The following CSMD3 variants were observed in gnomAD, a reference collection of about 807,000 sequenced individuals.
The protein encoded by CSMD3 is CUB and Sushi multiple domains 3, also known as CUB and sushi domain-containing protein 3.
A neutral mutation model predicts 435.2 loss-of-function variants in CSMD3; 177 were observed. The observed-to-expected ratio is 0.41, with a 90% CI of 0.36 to 0.46. CSMD3 has a LOEUF of 0.46. CSMD3 is among the 20% of genes least tolerant of loss of function. The probability of loss-of-function intolerance (pLI) is 0.34; values close to 1 mark genes in which losing one functional copy is unlikely to be tolerated. For synonymous variants in CSMD3, 1,656 were observed against 1,520.5 expected (o/e 1.09, Z -2.07); for missense variants, 4,265 against 4,504.6 (o/e 0.95, Z 1.52).
intron 36 of CSMD3, among the ~76,000 whole-genome samples, chr8:112,384,406 T>A (rs1414682458): frequency 1.3e-5 from 2 of 152,206 alleles, no homozygotes; most frequent in African/African-American, 4.8e-5. Flanking sequence ...TAGAGAAAGA[T>A]GCATGTGTTA....
intron 14 of CSMD3, among the ~76,000 whole-genome samples, chr8:112,689,107 TAAGA>T (rs2076076020): frequency 6.6e-6 from 1 of 152,046 alleles, no homozygotes; most frequent in Admixed American, 6.6e-5. Flanking sequence ...TGGTTAAAGA[TAAGA>T]ACTAAAACAA....
At chr8:112,283,056 G>C (rs1818818351) in intron 58 of CSMD3, among the ~76,000 whole-genome samples, 1 of 151,932 alleles carries the variant, frequency 6.6e-6, no homozygotes, top group African/African-American at 2.4e-5. Flanking sequence ...TTCTGAGTTA[G>C]TATTAACATC....
chr8:113,363,654 G>A (rs1029183562), intron 1 of CSMD3, among the ~76,000 whole-genome samples: 2 of 152,120 alleles, frequency 1.3e-5, no homozygotes, highest in South Asian at 2.1e-4. Flanking sequence ...TCTTGTGTGA[G>A]TCTAATTTTC....
At chr8:112,276,961 C>T (rs1011868342) in intron 59 of CSMD3, among the ~76,000 whole-genome samples, 1 of 151,972 alleles carries the variant, frequency 6.6e-6, no homozygotes, top group Non-Finnish European at 1.5e-5. Flanking sequence ...CTGGGTTTGA[C>T]TCACAAAACC....
intron 32 of CSMD3, among the ~76,000 whole-genome samples, chr8:112,441,301 T>C (rs1814987455): frequency 6.6e-6 from 1 of 152,296 alleles, no homozygotes; most frequent in Admixed American, 6.5e-5. Flanking sequence ...CTGGACTTCA[T>C]TGTCCATATC....
At chr8:113,108,283 C>T (rs142042874) in intron 4 of CSMD3, among the ~76,000 whole-genome samples, 4,472 of 151,992 alleles carry the variant, frequency 0.029, 89 homozygotes, top group Admixed American at 0.041. Context: ...TAAAAATTAG[C>T]GGGGCGTGGT....
intron 5 of CSMD3, among the ~76,000 whole-genome samples, chr8:113,026,886 C>T (rs2086896319): frequency 6.6e-6 from 1 of 152,124 alleles, no homozygotes; most frequent in Admixed American, 6.6e-5. Context: ...TATGGCATGT[C>T]TTACTGCTTT....
At chr8:112,703,649 G>T (rs191168748) in intron 13 of CSMD3, among the ~76,000 whole-genome samples, 3 of 152,214 alleles carry the variant, frequency 2.0e-5, no homozygotes, top group Admixed American at 2.0e-4. Flanking sequence ...TAGGTTAAAA[G>T]AGAGTGATCT....
At chr8:112,832,856 C>T (rs898281536) in intron 11 of CSMD3, among the ~76,000 whole-genome samples, 4 of 152,056 alleles carry the variant, frequency 2.6e-5, no homozygotes, top group African/African-American at 9.7e-5. Flanking sequence ...GCACAATATT[C>T]CTTTCATTTT....
At chr8:113,085,966 A>G (rs12334875) in intron 5 of CSMD3, among the ~76,000 whole-genome samples, 101,243 of 151,982 alleles carry the variant, frequency 0.67, 35,198 homozygotes, top group East Asian at 0.95. Context: ...GGCTGGGTGC[A>G]GTGGCTCATG....
At chr8:112,333,260 G>A (rs1032911884) in intron 45 of CSMD3, among the ~76,000 whole-genome samples, 7 of 152,024 alleles carry the variant, frequency 4.6e-5, no homozygotes, top group African/African-American at 9.7e-5. Context: ...CTCTGCCTCC[G>A]GGGTTCAAGT....
At chr8:113,182,585 G>C (rs1455028722) in intron 3 of CSMD3, among the ~76,000 whole-genome samples, 1 of 151,624 alleles carries the variant, frequency 6.6e-6, no homozygotes, top group Non-Finnish European at 1.5e-5. Flanking sequence ...AACTCACAAC[G>C]AATTGCTTAA....
chr8:112,952,329 T>C (rs2083847650), intron 8 of CSMD3, among the ~76,000 whole-genome samples: 1 of 151,704 alleles, frequency 6.6e-6, no homozygotes, highest in African/African-American at 2.4e-5. Context: ...CCTCCATGCT[T>C]ATACTGACTT....
At chr8:112,287,021 A>G in intron 58 of CSMD3, 43 bp downstream of exon 58, 1 of 1,520,756 alleles carries the variant, frequency 6.6e-7, no homozygotes, top group Middle Eastern at 1.7e-4. Context: ...ATACACACTA[A>G]AATCCAGTAG....
At chr8:113,220,511 T>C (rs2092954291) in intron 3 of CSMD3, among the ~76,000 whole-genome samples, 1 of 151,304 alleles carries the variant, frequency 6.6e-6, no homozygotes, top group South Asian at 2.1e-4. Context: ...CATAATAAAA[T>C]TGAAAAAATT....
At chr8:112,541,193 C>A (rs1436361465) in intron 27 of CSMD3, among the ~76,000 whole-genome samples, 2 of 151,684 alleles carry the variant, frequency 1.3e-5, no homozygotes, top group Non-Finnish European at 2.9e-5. Context: ...AAAAATGTCT[C>A]AAGTAAATAA....
rs115417962 is a variant in CSMD3, at chr8:112,439,712, C to G, written c.5396-30680G>C. ...GAGAAAGCAAACACATCTTTCTTCA[C>G]ATAATGTCAGGAAGAAGAAGAATGA... is the stretch of plus-strand genomic sequence containing the variant. On this transcript the variant is annotated intron_variant, in intron 32 of 70. Transcript: ENST00000297405. Among the ~76,000 whole-genome samples the G allele has an allele frequency of 3.4e-3, 520 of 152,092 alleles. 6 individuals carry two copies. Among genetic ancestry groups the G allele is most frequent in the African/African-American group, 0.012 (489 of 41,466 alleles).
At chr8:112,438,809 AC>A (rs1814661930) in intron 32 of CSMD3, among the ~76,000 whole-genome samples, 1 of 152,126 alleles carries the variant, frequency 6.6e-6, no homozygotes, top group Admixed American at 6.6e-5. Context: ...AATAATTATA[AC>A]CCCATATAGC....
chr8:113,192,366 T>C (rs1278730336), intron 3 of CSMD3, among the ~76,000 whole-genome samples: 1 of 151,688 alleles, frequency 6.6e-6, no homozygotes, highest in Non-Finnish European at 1.5e-5. Flanking sequence ...TTGTTCTAGA[T>C]GCTTGCTGGG....
Sources: gnomAD v4.1 joint callset for allele counts (sites outside exome capture counted in the v4.1 genomes callset) on GRCh38, gnomAD v4.1.1 for gene constraint, MANE v1.5 for transcripts, NCBI Gene and HGNC (gene_info 2026-07-23, HGNC 2026-07-21) for gene names.